The following PCDH15 variants were observed in gnomAD, a reference collection of about 807,000 sequenced individuals.
The protein encoded by PCDH15 is protocadherin related 15, also known as protocadherin-15.
A neutral mutation model predicts 178.5 loss-of-function variants in PCDH15; 129 were observed. The ratio of observed to expected loss-of-function variants is 0.72; its 90% CI spans 0.63 to 0.84. The LOEUF is 0.84. PCDH15 is among the 40% of genes least tolerant of loss of function. The pLI is 0.00. For synonymous variants in PCDH15, 800 were observed against 732.0 expected (o/e 1.09, Z -1.50); for missense variants, 2,230 against 2,099.9 (o/e 1.06, Z -1.21).
chr10:55,010,022 G>C (rs1375950063), intron 2 of PCDH15, among the ~76,000 whole-genome samples: 1 of 152,054 alleles, frequency 6.6e-6, no homozygotes, highest in Non-Finnish European at 1.5e-5. Context: ...AACAATACAA[G>C]TATAGTGTTT....
chr10:54,824,714 G>C (rs527450084), intron 3 of PCDH15, among the ~76,000 whole-genome samples: 2 of 152,180 alleles, frequency 1.3e-5, no homozygotes, highest in East Asian at 3.9e-4. Flanking sequence ...GAAGACAAAT[G>C]ATAGAACTTT....
chr10:55,339,159 A>G (rs1008959864), intron 2 of PCDH15, among the ~76,000 whole-genome samples: 8 of 152,160 alleles, frequency 5.3e-5, no homozygotes, highest in African/African-American at 1.7e-4. Flanking sequence ...TTCTTAACAC[A>G]AAGGAATGGT....
At chr10:53,896,234 A>T (rs2133560851) in intron 26 of PCDH15, among the ~76,000 whole-genome samples, 1 of 152,328 alleles carries the variant, frequency 6.6e-6, no homozygotes, top group East Asian at 1.9e-4. Flanking sequence ...GGGAATATTT[A>T]TCCATTAACA....
intron 2 of PCDH15, among the ~76,000 whole-genome samples, chr10:55,585,979 ACT>A (rs1174721935): frequency 6.6e-6 from 1 of 151,756 alleles, no homozygotes; most frequent in Non-Finnish European, 1.5e-5. Flanking sequence ...AATGTAAAAG[ACT>A]CTATCCAGCT....
chr10:55,591,634 A>T (rs1021503975), intron 2 of PCDH15, among the ~76,000 whole-genome samples: 16 of 152,100 alleles, frequency 1.1e-4, no homozygotes, highest in Admixed American at 7.2e-4. Context: ...TTTCTGTGAA[A>T]ATCTCACCTG....
intron 3 of PCDH15, among the ~76,000 whole-genome samples, chr10:54,500,611 C>T (rs1473859320): frequency 1.3e-5 from 2 of 152,074 alleles, no homozygotes; most frequent in Admixed American, 6.6e-5. Flanking sequence ...GAGCAGATCA[C>T]TTGAGGTCAG....
intron 2 of PCDH15, among the ~76,000 whole-genome samples, chr10:55,143,608 A>G (rs909732984): frequency 1.3e-5 from 2 of 151,996 alleles, no homozygotes; most frequent in Admixed American, 6.6e-5. Context: ...AAGAGATAGT[A>G]TGGAGATCAC....
chr10:53,904,145 T>C (rs1244036650), intron 25 of PCDH15, among the ~76,000 whole-genome samples: 1 of 152,176 alleles, frequency 6.6e-6, no homozygotes, highest in Non-Finnish European at 1.5e-5. Context: ...CAATTTAATA[T>C]GTATAAAAAT....
At chr10:54,103,751 T>A (rs908804188) in intron 15 of PCDH15, among the ~76,000 whole-genome samples, 1 of 152,144 alleles carries the variant, frequency 6.6e-6, no homozygotes, top group Admixed American at 6.5e-5. Flanking sequence ...TAAATTATTA[T>A]AACCTTTTTT....
At chr10:54,620,868 A>C (rs2093330210) in intron 2 of PCDH15, among the ~76,000 whole-genome samples, 1 of 152,006 alleles carries the variant, frequency 6.6e-6, no homozygotes, top group Admixed American at 6.6e-5. Context: ...TTTACTGAAA[A>C]GCTGTGTATA....
intron 32 of PCDH15, chr10:53,825,121 ATAT>A: frequency 6.5e-7 from 1 of 1,539,042 alleles, no homozygotes; most frequent in South Asian, 1.2e-5. Context: ...TATTAGAGTG[ATAT>A]TATTTACTTA....
At chr10:53,844,581 C>G (rs2077857206) in intron 28 of PCDH15, among the ~76,000 whole-genome samples, 1 of 151,920 alleles carries the variant, frequency 6.6e-6, no homozygotes, top group African/African-American at 2.4e-5. Context: ...TAAATCCACA[C>G]TCTTACAGCC....
At chr10:54,851,411 T>C (rs1953619254) in intron 3 of PCDH15, among the ~76,000 whole-genome samples, 1 of 152,106 alleles carries the variant, frequency 6.6e-6, no homozygotes, top group Non-Finnish European at 1.5e-5. Flanking sequence ...AATATGGTGT[T>C]TGAGATATTG....
At chr10:55,498,026 T>G (rs1840574672) in intron 2 of PCDH15, among the ~76,000 whole-genome samples, 1 of 151,904 alleles carries the variant, frequency 6.6e-6, no homozygotes, top group Non-Finnish European at 1.5e-5. Context: ...TGCAGCTTCA[T>G]TAATGTTTAT....
At chr10:54,570,558 T>G (rs1263774533) in intron 2 of PCDH15, among the ~76,000 whole-genome samples, 1 of 152,122 alleles carries the variant, frequency 6.6e-6, no homozygotes, top group Admixed American at 6.5e-5. Flanking sequence ...TTTCTATTTT[T>G]TAAATATTGC....
chr10:54,646,083 T>G (rs189143921), intron 2 of PCDH15, among the ~76,000 whole-genome samples: 2 of 152,102 alleles, frequency 1.3e-5, no homozygotes, highest in African/African-American at 2.4e-5. Context: ...TTATCGCATG[T>G]TAATCCTCTG....
intron 3 of PCDH15, among the ~76,000 whole-genome samples, chr10:54,845,814 C>A (rs1030554053): frequency 6.6e-6 from 1 of 151,974 alleles, no homozygotes; most frequent in South Asian, 2.1e-4. Context: ...CTTTAACATG[C>A]AATTTTTTTG....
intron 3 of PCDH15, among the ~76,000 whole-genome samples, chr10:54,471,977 G>A (rs189941204): frequency 2.4e-4 from 36 of 152,094 alleles, no homozygotes; most frequent in African/African-American, 7.7e-4. Context: ...TCTGATTTAT[G>A]AGAGCACAAA....
intron 27 of PCDH15, among the ~76,000 whole-genome samples, chr10:53,863,347 A>G (rs1047154841): frequency 2.6e-5 from 4 of 152,172 alleles, no homozygotes; most frequent in African/African-American, 7.2e-5. Context: ...ACAGTGAGAT[A>G]GTAGGACAAG....
Sources: allele counts gnomAD v4.1 joint callset (sites outside exome capture counted in the v4.1 genomes callset), GRCh38; gene constraint gnomAD v4.1.1; transcripts MANE v1.5; gene names NCBI Gene and HGNC (gene_info 2026-07-23, HGNC 2026-07-21).